The following ZNF267 variants were observed in gnomAD, a reference collection of about 807,000 sequenced individuals.
ZNF267 encodes zinc finger protein 267, also known as zinc finger (C2H2).
ZNF267 carries 61 observed loss-of-function variants against 71.6 expected under a neutral mutation model. That is an observed-to-expected ratio of 0.85 (90% CI 0.69 to 1.05). The LOEUF is 1.05. Ranked by LOEUF, ZNF267 falls within the 50% of genes least tolerant of loss-of-function variation. The pLI, the probability that ZNF267 is intolerant of heterozygous loss-of-function variation, is 0.00. For missense variants in ZNF267, 852 were observed against 870.0 expected, an observed-to-expected ratio of 0.98 and a Z score of 0.26; for synonymous variants, 288 against 293.2, an observed-to-expected ratio of 0.98 and a Z score of 0.18.
At position 31,915,060 on chromosome 16, in the gene ZNF267, A is replaced by C. The variant is rs761942468; in HGVS notation, c.811A>C (p.Lys271Gln). 6.2e-7 allele frequency: 1 copy of C among 1,613,152 alleles called. No individual in the cohort carries two copies. The highest frequency in any genetic ancestry group is 1.7e-4 in the Middle Eastern group (1 of 6,056). ...ACAAGAACAGTCTTACAAATGTAAT[A>C]AATGTGTAGAAGTTTGTACCCAGTC... The part of the protein sequence containing the change: ...EKQEQSYKCN[K>Q]CVEVCTQSLK... Residue 271 changes from lysine to glutamine, a missense_variant, in exon 4 of 4, where the codon AAA becomes CAA. Lys to Gln is a moderately conservative substitution (Grantham distance 53, BLOSUM62 1). Transcript: ENST00000300870.
At chr16:31,900,924 A>G (rs959067769) in intron 3 of ZNF267, among the ~76,000 whole-genome samples, 5 of 151,792 alleles carry the variant, frequency 3.3e-5, no homozygotes, top group Non-Finnish European at 5.9e-5. Context: ...AGCATTAGGT[A>G]TATCTTCTAA....
At chr16:31,910,551 A>G (rs2084127892) in intron 3 of ZNF267, among the ~76,000 whole-genome samples, 1 of 151,688 alleles carries the variant, frequency 6.6e-6, no homozygotes, top group Admixed American at 6.6e-5. Flanking sequence ...TGTTAATAAT[A>G]GCCACTAATA....
At chr16:31,876,940 A>G (rs888046379) in intron 1 of ZNF267, among the ~76,000 whole-genome samples, 4 of 152,168 alleles carry the variant, frequency 2.6e-5, no homozygotes, top group African/African-American at 9.7e-5. Context: ...CTGAGAAGCT[A>G]CAGAGCCCTG....
intron 3 of ZNF267, among the ~76,000 whole-genome samples, chr16:31,900,723 C>T (rs1251660223): frequency 5.3e-5 from 8 of 149,862 alleles, no homozygotes; most frequent in Admixed American, 4.7e-4. Context: ...GGATTACAAG[C>T]ATGAGTCACT....
At chr16:31,880,025 T>G (rs566237658) in intron 1 of ZNF267, among the ~76,000 whole-genome samples, 1 of 152,182 alleles carries the variant, frequency 6.6e-6, no homozygotes, top group Non-Finnish European at 1.5e-5. Flanking sequence ...TCCTCTAGTT[T>G]TCTTCACAGC....
intron 3 of ZNF267, chr16:31,894,507 G>A: frequency 2.0e-6 from 1 of 495,668 alleles, no homozygotes; most frequent in Non-Finnish European, 4.0e-6. Flanking sequence ...CTTTGTGTGT[G>A]ACACCTAATT....
At chr16:31,874,059 C>G (rs567813215) in intron 1 of ZNF267, 90 bp downstream of exon 1, 11 of 1,447,822 alleles carry the variant, frequency 7.6e-6, no homozygotes, top group Non-Finnish European at 1.1e-5. Context: ...CGGGCCTCCC[C>G]GCAGTCAGCC....
chr16:31,910,831 A>G (rs1477964394), intron 3 of ZNF267, among the ~76,000 whole-genome samples: 1 of 151,420 alleles, frequency 6.6e-6, no homozygotes, highest in Admixed American at 6.6e-5. Context: ...ATGTAAGCAC[A>G]TATATCTATA....
At chr16:31,887,667 C>G (rs1468104682) in intron 3 of ZNF267, among the ~76,000 whole-genome samples, 3 of 152,168 alleles carry the variant, frequency 2.0e-5, no homozygotes, top group Admixed American at 1.3e-4. Context: ...TCTTGGTGCC[C>G]TTGTCAAAGT....
Position 31,898,948 on chromosome 16 carries a change from C to T in ZNF267, c.226+13692C>T, listed in dbSNP as rs1157038024. ...AAGGTCAAAAGAGACAAGGCCATTA[C>T]ATAATGGTAAAGGGATCAATTCCGC... On this transcript the variant is annotated intron_variant, in intron 3 of 3. Transcript: ENST00000300870. 3.9e-5 allele frequency among the ~76,000 whole-genome samples: 6 copies of T among 152,134 alleles called. 1 individual carries two copies. The highest frequency in any genetic ancestry group is 2.9e-5 in the Non-Finnish European group (2 of 68,026).
chr16:31,873,942 G>A lies in ZNF267; in HGVS notation c.-25G>A, dbSNP rs747828980. The A allele has an allele frequency of 1.2e-6, 2 of 1,613,680 alleles. No homozygotes were observed. Among genetic ancestry groups the A allele is most frequent in the Non-Finnish European group, 1.7e-6 (2 of 1,179,698 alleles). Reference sequence around the variant, plus strand: ...GCACTGGGAGATTCGTAGCTAAGACGCCAGGGCATCCCGGAAGCTGGGAAA... The same window carrying A: ...GCACTGGGAGATTCGTAGCTAAGACACCAGGGCATCCCGGAAGCTGGGAAA... On this transcript the variant is annotated 5_prime_UTR_variant, in exon 1 of 4. Coordinates refer to ENST00000300870, the MANE Select transcript of ZNF267 (RefSeq NM_003414.6).
chr16:31,885,127 A>G (rs758033283), intron 2 of ZNF267, 34 bp from the exon 3 acceptor site: 5 of 1,547,074 alleles, frequency 3.2e-6, no homozygotes, highest in Non-Finnish European at 3.5e-6. Flanking sequence ...AAGAACCCTC[A>G]TTAAGAGTCA....
At chr16:31,887,385 T>TTAA in intron 3 of ZNF267, among the ~76,000 whole-genome samples, 1 of 152,270 alleles carries the variant, frequency 6.6e-6, no homozygotes, top group South Asian at 2.1e-4. Flanking sequence ...TACACTTTTT[T>TTAA]GTTTCATTTA....
rs1399040791 is a variant in ZNF267, at chr16:31,917,336, AAAGT to A, written c.*859_*862del. 1.3e-5 allele frequency: 2 copies of A among 152,000 alleles called. No individual in the cohort carries two copies. Among genetic ancestry groups the A allele is most frequent in the African/African-American group, 2.4e-5 (1 of 41,406 alleles). The allele number at this position is 152,000 out of a possible 1,614,324, so 9.4% of individuals were successfully genotyped here. A position where few individuals can be genotyped will look rare whatever the true frequency, so the allele number is the denominator to read the frequency against. Reference sequence around the variant, plus strand: ...CGTGTTTAGAGCTCTTTTCTATATTAAAGTAAGAGGGATATTCTGAATTTTTGAA... The same window carrying A: ...CGTGTTTAGAGCTCTTTTCTATATTAAAGAGGGATATTCTGAATTTTTGAA... On this transcript the variant is annotated 3_prime_UTR_variant, in exon 4 of 4. Coordinates refer to ENST00000300870, the MANE Select transcript of ZNF267 (RefSeq NM_003414.6).
At chr16:31,878,884 C>T (rs904677837) in intron 1 of ZNF267, among the ~76,000 whole-genome samples, 12 of 152,080 alleles carry the variant, frequency 7.9e-5, no homozygotes, top group African/African-American at 2.9e-4. Context: ...GTTGTAAGAG[C>T]AAATACAAAT....
chr16:31,893,110 A>G (rs2083972527), intron 3 of ZNF267, among the ~76,000 whole-genome samples: 1 of 152,244 alleles, frequency 6.6e-6, no homozygotes, highest in Non-Finnish European at 1.5e-5. Flanking sequence ...TGAAATCTAA[A>G]CGGGGGTTCC....
chr16:31,881,293 G>A (rs527504069), intron 1 of ZNF267, among the ~76,000 whole-genome samples: 2 of 152,164 alleles, frequency 1.3e-5, no homozygotes, highest in South Asian at 4.2e-4. Flanking sequence ...GAGATGAGAA[G>A]CCTAGCCCAG....
chr16:31,910,763 G>T (rs2084129581), intron 3 of ZNF267, among the ~76,000 whole-genome samples: 1 of 150,404 alleles, frequency 6.6e-6, no homozygotes, highest in African/African-American at 2.5e-5. Context: ...TATAATTTTT[G>T]TTTTGCTGTT....
chr16:31,880,720 A>G (rs1049302344), intron 1 of ZNF267, among the ~76,000 whole-genome samples: 1 of 152,156 alleles, frequency 6.6e-6, no homozygotes, highest in Non-Finnish European at 1.5e-5. Context: ...TTTCTTTTTT[A>G]ACAGAAGGAA....
Sources: allele counts gnomAD v4.1 joint callset (sites outside exome capture counted in the v4.1 genomes callset), GRCh38; gene constraint gnomAD v4.1.1; transcripts MANE v1.5; gene names NCBI Gene and HGNC (gene_info 2026-07-23, HGNC 2026-07-21).